Variants in PEAK1 observed in about 807,000 individuals in gnomAD.
PEAK1 encodes the protein pseudopodium enriched atypical kinase 1, also known as inactive tyrosine-protein kinase PEAK1.
A neutral mutation model predicts 124.7 loss-of-function variants in PEAK1; 54 were observed. The observed-to-expected ratio is 0.43, with a 90% CI of 0.35 to 0.54. PEAK1 has a LOEUF of 0.54. Ranked by LOEUF, PEAK1 falls within the 20% of genes least tolerant of loss-of-function variation. The pLI, the probability that PEAK1 is intolerant of heterozygous loss-of-function variation, is 0.01. For synonymous variants in PEAK1, 719 were observed against 760.0 expected (o/e 0.95, Z 0.89); for missense variants, 2,046 against 2,134.5 (o/e 0.96, Z 0.82).
At chr15:77,293,342 A>G (rs1171540621) in intron 2 of PEAK1, among the ~76,000 whole-genome samples, 3 of 152,212 alleles carry the variant, frequency 2.0e-5, no homozygotes, top group East Asian at 1.9e-4. Context: ...TTTTTGATAT[A>G]TATGTCCATT....
intron 8 of PEAK1, among the ~76,000 whole-genome samples, chr15:77,149,844 G>A (rs1009411603): frequency 2.6e-5 from 4 of 151,872 alleles, no homozygotes; most frequent in Non-Finnish European, 4.4e-5. Flanking sequence ...TGACCTCCTG[G>A]GCTCAAGGAT....
At chr15:77,218,124 G>A (rs1461693989) in intron 6 of PEAK1, among the ~76,000 whole-genome samples, 1 of 152,032 alleles carries the variant, frequency 6.6e-6, no homozygotes, top group Non-Finnish European at 1.5e-5. Flanking sequence ...CACTGGATAA[G>A]TCTTCTAGAA....
rs754780567 is a variant in PEAK1 at position 77,180,331 on chromosome 15, T to C, written c.1596A>G (p.Gln532=). The C allele has an allele frequency of 6.2e-7, 1 of 1,614,170 alleles. No homozygotes were observed. The highest frequency in any genetic ancestry group is 1.1e-5 in the South Asian group (1 of 91,086). Reference sequence around the variant, plus strand: ...GACTGGTGCTAGAAGTCCATACTTCTTGGTATCGAATTGCACTGGATTTTT... The same window carrying C: ...GACTGGTGCTAGAAGTCCATACTTCCTGGTATCGAATTGCACTGGATTTTT... The part of the protein sequence containing the change: ...HFQKSSAIRY[Q]EVWTSSTSPR... Residue 532 remains glutamine (Q), a synonymous_variant, in exon 7 of 10, where the codon CAA becomes CAG. Transcript: ENST00000682557.
chr15:77,411,747 C>T (rs1269357702), intron 1 of PEAK1, among the ~76,000 whole-genome samples: 1 of 152,104 alleles, frequency 6.6e-6, no homozygotes, highest in Non-Finnish European at 1.5e-5. Flanking sequence ...CTAAAACAGG[C>T]ATGGGCCAGC....
chr15:77,135,635 G>A (rs910092992), intron 8 of PEAK1, among the ~76,000 whole-genome samples: 1 of 152,342 alleles, frequency 6.6e-6, no homozygotes, highest in South Asian at 2.1e-4. Context: ...GAGGGACCCA[G>A]TGGGAGGTAA....
chr15:77,258,938 G>T (rs2061305230), intron 5 of PEAK1, among the ~76,000 whole-genome samples: 1 of 152,116 alleles, frequency 6.6e-6, no homozygotes, highest in African/African-American at 2.4e-5. Flanking sequence ...AGCATGAAGG[G>T]TTGTTGAATT....
At chr15:77,349,453 T>C (rs1326066273) in intron 2 of PEAK1, 1 of 984,032 alleles carries the variant, frequency 1.0e-6, no homozygotes, top group Non-Finnish European at 1.2e-6. Flanking sequence ...GCAAATTAAA[T>C]TGCCAAAGAC....
intron 1 of PEAK1, among the ~76,000 whole-genome samples, chr15:77,377,850 G>A (rs1227085302): frequency 2.6e-5 from 4 of 152,044 alleles, no homozygotes; most frequent in Non-Finnish European, 5.9e-5. Context: ...ACTCTTACCT[G>A]GTTAGTGCCT....
intron 2 of PEAK1, among the ~76,000 whole-genome samples, chr15:77,357,053 G>A (rs1417514625): frequency 6.6e-6 from 1 of 152,180 alleles, no homozygotes; most frequent in African/African-American, 2.4e-5. Flanking sequence ...GATTACCTGA[G>A]CCCAGGAGTT....
Position 77,276,134 on chromosome 15 carries a change from T to C in PEAK1, c.-275+7749A>G, listed in dbSNP as rs113924352. Reference sequence around the variant, plus strand: ...AACTATAATAAAAGATGAATATTCATGTCATCAGAGTCTCAAAAGGAAAGG... The same window carrying C: ...AACTATAATAAAAGATGAATATTCACGTCATCAGAGTCTCAAAAGGAAAGG... On this transcript the variant is annotated intron_variant, in intron 5 of 9. Coordinates refer to ENST00000682557, the MANE Select transcript of PEAK1 (RefSeq NM_001385026.1). Among the ~76,000 whole-genome samples the C allele has an allele frequency of 2.9e-4, 44 of 152,202 alleles. 1 individual carries two copies. Among genetic ancestry groups the C allele is most frequent in the African/African-American group, 9.9e-4 (41 of 41,548 alleles).
Position 77,405,858 on chromosome 15 carries a change from G to A in PEAK1, c.-666+14148C>T, listed in dbSNP as rs115599718. Among the ~76,000 whole-genome samples, 789 of 152,024 alleles carry A rather than the reference G, an allele frequency of 5.2e-3. 4 individuals carry two copies. The highest frequency in any genetic ancestry group is 0.016 in the African/African-American group (682 of 41,464). On this transcript the variant is annotated intron_variant, in intron 1 of 9. Coordinates refer to ENST00000682557, the MANE Select transcript of PEAK1 (RefSeq NM_001385026.1). ...TAAGTCAATAATTAAGGAATTCAGA[G>A]GTCTAACTCCCTAAAAATCTAAGTC...
chr15:77,232,464 AC>A (rs2059948726), intron 6 of PEAK1, among the ~76,000 whole-genome samples: 1 of 152,112 alleles, frequency 6.6e-6, no homozygotes, highest in African/African-American at 2.4e-5. Flanking sequence ...TAAGAGTTTC[AC>A]CAATCTTCTA....
At chr15:77,414,309 A>C (rs1485025293) in intron 1 of PEAK1, among the ~76,000 whole-genome samples, 1 of 147,600 alleles carries the variant, frequency 6.8e-6, no homozygotes, top group African/African-American at 2.5e-5. Context: ...TCCCAGGCTC[A>C]AGTGATCCTC....
At chr15:77,105,351 TGTGTGTGC>T (rs147994241), downstream of PEAK1, 24,680 of 115,674 alleles carry the variant, frequency 0.21, 2,134 homozygotes, top group Middle Eastern at 0.28. Context: ...TGTGTGTGTG[TGTGTGTGC>T]GCGCGTGCGC....
At chr15:77,367,819 T>C (rs548980746) in intron 1 of PEAK1, among the ~76,000 whole-genome samples, 175 of 152,360 alleles carry the variant, frequency 1.1e-3, no homozygotes, top group African/African-American at 4.0e-3. Context: ...ATTCATTCAG[T>C]ATTCATTACA....
At chr15:77,390,618 T>C (rs974162106) in intron 1 of PEAK1, among the ~76,000 whole-genome samples, 1 of 152,226 alleles carries the variant, frequency 6.6e-6, no homozygotes, top group Non-Finnish European at 1.5e-5. Context: ...TTTATCTGTA[T>C]CAAATATGTA....
rs377311104 is a variant in PEAK1, at chr15:77,311,675, C to A, written c.-602-25171G>T. Among the ~76,000 whole-genome samples the A allele has an allele frequency of 5.7e-3, 710 of 123,870 alleles. 4 individuals carry two copies. The highest frequency in any genetic ancestry group is 0.02 in the African/African-American group (643 of 32,940). 81.3% of individuals were successfully genotyped at this position (123,870 alleles called of 152,430 possible). Reference sequence around the variant, plus strand: ...GAAACACAGCGAGATTCCAACCCCCCCAACCCCCACAAAAAAAAAAAAAAA... The same window carrying A: ...GAAACACAGCGAGATTCCAACCCCCACAACCCCCACAAAAAAAAAAAAAAA... On this transcript the variant is annotated intron_variant, in intron 2 of 9. Transcript: ENST00000682557.
rs114787022 is a variant in PEAK1 at position 77,240,577 on chromosome 15, T to C, written c.-115+11790A>G. Among the ~76,000 whole-genome samples, 228 of 151,692 alleles carry C rather than the reference T, an allele frequency of 1.5e-3. 2 individuals are homozygous for C. The highest frequency in any genetic ancestry group is 5.3e-3 in the African/African-American group (221 of 41,374). On this transcript the variant is annotated intron_variant, in intron 6 of 9. Coordinates refer to ENST00000682557, the MANE Select transcript of PEAK1 (RefSeq NM_001385026.1). ...TTGAGGGTGCCGTGAGCCTGGGCAA[T>C]AGAGTGAGACCCTGTCTCAAAAAAA...
At chr15:77,261,973 G>T (rs546404391) in intron 5 of PEAK1, among the ~76,000 whole-genome samples, 6 of 152,040 alleles carry the variant, frequency 3.9e-5, no homozygotes, top group Admixed American at 6.6e-5. Flanking sequence ...TTAAAGAAAA[G>T]AATTTTCAAC....
Sources: gnomAD v4.1 joint callset for allele counts (sites outside exome capture counted in the v4.1 genomes callset) on GRCh38, gnomAD v4.1.1 for gene constraint, MANE v1.5 for transcripts, NCBI Gene and HGNC (gene_info 2026-07-23, HGNC 2026-07-21) for gene names.